Variants in GPR176 observed in about 807,000 individuals in gnomAD.
GPR176 encodes the protein G-protein coupled receptor 176.
Under a neutral mutation model 35.4 loss-of-function variants are expected in GPR176, and 26 were observed. The ratio of observed to expected loss-of-function variants is 0.74; its 90% confidence interval spans 0.54 to 1.02. The LOEUF (loss-of-function observed/expected upper bound fraction) is 1.02. GPR176 is among the 50% of genes least tolerant of loss of function. The pLI is 0.00. For missense variants in GPR176, 597 were observed against 665.3 expected (o/e 0.90, Z 1.13); for synonymous variants, 278 against 271.3 (o/e 1.02, Z -0.24).
At chr15:39,878,183 G>C (rs559261620) in intron 1 of GPR176, among the ~76,000 whole-genome samples, 1 of 143,450 alleles carries the variant, frequency 7.0e-6, no homozygotes, top group Admixed American at 7.1e-5. Flanking sequence ...GTACAATACA[G>C]TATTACTAAC....
chr15:39,846,111 G>T (rs2030407983), intron 1 of GPR176, among the ~76,000 whole-genome samples: 1 of 152,158 alleles, frequency 6.6e-6, no homozygotes. Flanking sequence ...TGTGAAAATG[G>T]AGTAGATATA....
intron 1 of GPR176, among the ~76,000 whole-genome samples, chr15:39,861,532 A>G (rs1305610717): frequency 6.6e-6 from 1 of 151,426 alleles, no homozygotes; most frequent in African/African-American, 2.4e-5. Context: ...CTGGTGACAG[A>G]GCGAGACTCC....
chr15:39,859,271 T>C (rs1024585002), intron 1 of GPR176, among the ~76,000 whole-genome samples: 1 of 152,078 alleles, frequency 6.6e-6, no homozygotes. Flanking sequence ...TGTATATATG[T>C]TATATGTATA....
chr15:39,859,643 A>G (rs1009421748), intron 1 of GPR176, among the ~76,000 whole-genome samples: 1 of 152,226 alleles, frequency 6.6e-6, no homozygotes, highest in South Asian at 2.1e-4. Context: ...GAGCTACCAT[A>G]TGATCTAGCA....
chr15:39,863,619 T>C (rs1245417495), intron 1 of GPR176, among the ~76,000 whole-genome samples: 4 of 152,190 alleles, frequency 2.6e-5, no homozygotes, highest in Non-Finnish European at 1.5e-5. Context: ...TATAGTAGTG[T>C]AGAGTAATGT....
intron 1 of GPR176, among the ~76,000 whole-genome samples, chr15:39,898,925 C>T (rs918958026): frequency 3.9e-5 from 6 of 152,022 alleles, no homozygotes; most frequent in African/African-American, 9.7e-5. Context: ...ACCTGTTGGA[C>T]GATAAGGACA....
chr15:39,868,780 T>C (rs1566956952), intron 1 of GPR176, among the ~76,000 whole-genome samples: 2 of 152,182 alleles, frequency 1.3e-5, no homozygotes, highest in Non-Finnish European at 2.9e-5. Flanking sequence ...CCAGTCCTTG[T>C]GCAGGGGCTA....
intron 1 of GPR176, among the ~76,000 whole-genome samples, chr15:39,887,675 T>C (rs2032722483): frequency 6.6e-6 from 1 of 152,120 alleles, no homozygotes; most frequent in African/African-American, 2.4e-5. Flanking sequence ...TGAGGACTTA[T>C]TTTCCTAGAA....
intron 1 of GPR176, among the ~76,000 whole-genome samples, chr15:39,863,059 CTTT>C (rs1228810772): frequency 7.1e-6 from 1 of 141,626 alleles, no homozygotes; most frequent in African/African-American, 2.5e-5. Flanking sequence ...CTTAGTTTTT[CTTT>C]TTTTTTTTTT....
chr15:39,833,804 C>A (rs544872639), intron 1 of GPR176, among the ~76,000 whole-genome samples: 1 of 152,100 alleles, frequency 6.6e-6, no homozygotes, highest in African/African-American at 2.4e-5. Context: ...GCTGGGATTG[C>A]GGTCTCCCAA....
chr15:39,847,565 G>A (rs1452733286), intron 1 of GPR176, among the ~76,000 whole-genome samples: 1 of 151,914 alleles, frequency 6.6e-6, no homozygotes, highest in Non-Finnish European at 1.5e-5. Flanking sequence ...CTAACATGGT[G>A]AAACCCCATC....
At chr15:39,821,826 G>C (rs897607912) in intron 1 of GPR176, among the ~76,000 whole-genome samples, 2 of 152,174 alleles carry the variant, frequency 1.3e-5, no homozygotes, top group Non-Finnish European at 2.9e-5. Flanking sequence ...AGCAAATATT[G>C]TAAGCCCCTC....
rs71426356 is a variant in GPR176, at chr15:39,862,849, C to CAT, written c.173-55593_173-55592dup. ...TTAATCTTTATTTTAGAGTGTATCT[C>CAT]ATATATATATATACTAAAATAACCA... is the stretch of plus-strand genomic sequence containing the variant. On this transcript the variant is annotated intron_variant, in intron 1 of 2. Transcript: ENST00000561100. 5.6e-4 allele frequency among the ~76,000 whole-genome samples: 85 copies of CAT among 151,098 alleles called. 1 individual carries two copies. Among genetic ancestry groups the CAT allele is most frequent in the South Asian group, 2.9e-3 (14 of 4,774 alleles).
intron 1 of GPR176, among the ~76,000 whole-genome samples, chr15:39,852,125 G>GA (rs1393104611): frequency 6.6e-6 from 1 of 151,844 alleles, no homozygotes; most frequent in Non-Finnish European, 1.5e-5. Context: ...GCCCAGAAAA[G>GA]AAAAAAAGAA....
At chr15:39,813,137 T>C (rs1263308848) in intron 1 of GPR176, 1 of 152,204 alleles carries the variant, frequency 6.6e-6, no homozygotes, top group African/African-American at 2.4e-5. Context: ...TTATATAAAC[T>C]GTAATTCAAT....
chr15:39,844,429 C>T (rs574428231), intron 1 of GPR176, among the ~76,000 whole-genome samples: 1 of 152,148 alleles, frequency 6.6e-6, no homozygotes, highest in South Asian at 2.1e-4. Flanking sequence ...AGCTATTCAT[C>T]TACCCCAGAA....
intron 1 of GPR176, among the ~76,000 whole-genome samples, chr15:39,866,826 A>G (rs2031850452): frequency 6.6e-6 from 1 of 152,228 alleles, no homozygotes; most frequent in Non-Finnish European, 1.5e-5. Context: ...GAAGAAATAA[A>G]TCACTGAAAC....
chr15:39,802,309 G>T, intron 2 of GPR176, 55 bp from the exon 3 acceptor site: 1 of 1,374,972 alleles, frequency 7.3e-7, no homozygotes, highest in Non-Finnish European at 9.9e-7. Flanking sequence ...TAAATTAGGG[G>T]AACCTAAATC....
At position 39,810,391 on chromosome 15, in the gene GPR176, C is replaced by A. The variant is rs997655112; in HGVS notation, c.173-3133G>T. Among the ~76,000 whole-genome samples the A allele has an allele frequency of 2.6e-5, 4 of 152,130 alleles. No homozygotes were observed. The South Asian group carries it at 8.3e-4, about 32-fold the overall frequency. The stretch of plus-strand genomic sequence containing the variant: ...ACAGTGCTTGATTGATAATGAAGAA[C>A]CTTTTTCCAACTAAATTTTGCCTCT... On this transcript the variant is annotated intron_variant, in intron 1 of 2. Transcript: ENST00000561100.
Sources: allele counts gnomAD v4.1 joint callset (sites outside exome capture counted in the v4.1 genomes callset), GRCh38; gene constraint gnomAD v4.1.1; transcripts MANE v1.5; gene names NCBI Gene and HGNC (gene_info 2026-07-23, HGNC 2026-07-21).